LRRTM4: variants seen among roughly 807,000 people sequenced by gnomAD.
LRRTM4 encodes leucine rich repeat transmembrane neuronal 4, also known as leucine-rich repeat transmembrane neuronal protein 4.
In LRRTM4, 25 loss-of-function variants were observed where a neutral mutation model predicts 47.6. The observed-to-expected ratio is 0.53, with a 90% confidence interval of 0.38 to 0.73. The LOEUF is 0.73. Ranked by LOEUF, LRRTM4 falls within the 30% of genes least tolerant of loss-of-function variation. The pLI is 0.00. For missense variants in LRRTM4, 638 were observed against 713.4 expected (o/e 0.89, Z 1.20); for synonymous variants, 311 against 269.5 (o/e 1.15, Z -1.51).
chr2:76,857,224 AATAAAG>A (rs1297668378), intron 3 of LRRTM4, among the ~76,000 whole-genome samples: 4 of 150,888 alleles, frequency 2.7e-5, no homozygotes, highest in Non-Finnish European at 5.9e-5. Context: ...CTTAATGGAT[AATAAAG>A]ATATTTTCTC....
intron 3 of LRRTM4, among the ~76,000 whole-genome samples, chr2:76,798,713 TAAAG>T (rs879304032): frequency 8.8e-4 from 131 of 149,378 alleles, no homozygotes; most frequent in Non-Finnish European, 1.5e-3. Context: ...GCAAGACTAA[TAAAG>T]AAGAAAAGAG....
chr2:77,309,416 G>A (rs535611311), intron 3 of LRRTM4, among the ~76,000 whole-genome samples: 3 of 152,124 alleles, frequency 2.0e-5, no homozygotes, highest in Non-Finnish European at 4.4e-5. Flanking sequence ...TGCAGATATG[G>A]CCATAATAAA....
At chr2:77,164,812 C>T (rs2103818234) in intron 3 of LRRTM4, among the ~76,000 whole-genome samples, 1 of 152,254 alleles carries the variant, frequency 6.6e-6, no homozygotes, top group South Asian at 2.1e-4. Context: ...ACATTTAAAG[C>T]AGTGTGTAGA....
intron 3 of LRRTM4, among the ~76,000 whole-genome samples, chr2:77,430,677 C>T (rs1343670622): frequency 2.7e-5 from 4 of 146,378 alleles, no homozygotes; most frequent in South Asian, 4.2e-4. Context: ...GCTGAGACCA[C>T]GCCATTGCAC....
At chr2:76,783,593 T>G (rs996660018) in intron 3 of LRRTM4, among the ~76,000 whole-genome samples, 3 of 152,144 alleles carry the variant, frequency 2.0e-5, no homozygotes, top group East Asian at 1.9e-4. Context: ...AATTTTGAAT[T>G]AACATGCTAA....
At chr2:76,987,836 C>T (rs1676856608) in intron 3 of LRRTM4, among the ~76,000 whole-genome samples, 1 of 151,712 alleles carries the variant, frequency 6.6e-6, no homozygotes, top group Admixed American at 6.6e-5. Context: ...CAGGACATTT[C>T]ACTACTCCAC....
intron 3 of LRRTM4, among the ~76,000 whole-genome samples, chr2:77,296,011 C>A (rs966442723): frequency 2.0e-5 from 3 of 152,108 alleles, no homozygotes; most frequent in African/African-American, 7.2e-5. Context: ...TATTGTTTTA[C>A]AAATTCTACA....
chr2:77,309,632 G>T (rs1371438683), intron 3 of LRRTM4, among the ~76,000 whole-genome samples: 1 of 152,088 alleles, frequency 6.6e-6, no homozygotes, highest in East Asian at 1.9e-4. Context: ...TGAGCAACAT[G>T]ACTGCAGTAG....
At chr2:76,927,868 T>C (rs968963416) in intron 3 of LRRTM4, among the ~76,000 whole-genome samples, 1 of 152,160 alleles carries the variant, frequency 6.6e-6, no homozygotes, top group Non-Finnish European at 1.5e-5. Context: ...AAAAATGATG[T>C]CAAGGGTTAA....
intron 3 of LRRTM4, among the ~76,000 whole-genome samples, chr2:76,792,582 A>G (rs1372286582): frequency 2.0e-5 from 3 of 152,168 alleles, no homozygotes; most frequent in Non-Finnish European, 4.4e-5. Flanking sequence ...TCTAGTAACA[A>G]TCAGAGAATA....
chr2:77,328,562 A>T (rs1421084446), intron 3 of LRRTM4, among the ~76,000 whole-genome samples: 1 of 152,100 alleles, frequency 6.6e-6, no homozygotes, highest in Non-Finnish European at 1.5e-5. Context: ...TGTTCAGGCC[A>T]CAGTTTGAGG....
At chr2:77,425,257 G>A (rs1323330078) in intron 3 of LRRTM4, among the ~76,000 whole-genome samples, 1 of 152,058 alleles carries the variant, frequency 6.6e-6, no homozygotes, top group Non-Finnish European at 1.5e-5. Context: ...TCTGTATTCA[G>A]TCTCTCCATT....
At chr2:76,954,203 G>T (rs1331786497) in intron 3 of LRRTM4, among the ~76,000 whole-genome samples, 1 of 151,550 alleles carries the variant, frequency 6.6e-6, no homozygotes, top group Non-Finnish European at 1.5e-5. Context: ...CCTAATCAAA[G>T]AAACAAAATA....
chr2:77,468,319 T>C (rs1677057591), intron 3 of LRRTM4, among the ~76,000 whole-genome samples: 1 of 152,194 alleles, frequency 6.6e-6, no homozygotes, highest in Non-Finnish European at 1.5e-5. Flanking sequence ...AGTACTATGT[T>C]ATGTTTGGGG....
At chr2:77,023,601 A>G (rs1219945056) in intron 3 of LRRTM4, among the ~76,000 whole-genome samples, 1 of 152,180 alleles carries the variant, frequency 6.6e-6, no homozygotes, top group African/African-American at 2.4e-5. Flanking sequence ...CATCTCTCTC[A>G]AAGTTCCACA....
At chr2:77,292,071 T>C (rs1344447396) in intron 3 of LRRTM4, among the ~76,000 whole-genome samples, 2 of 151,968 alleles carry the variant, frequency 1.3e-5, no homozygotes, top group African/African-American at 2.4e-5. Flanking sequence ...AAGACATTTA[T>C]GCAGCCAAAA....
intron 3 of LRRTM4, among the ~76,000 whole-genome samples, chr2:76,932,104 G>T (rs574184289): frequency 6.6e-6 from 1 of 152,042 alleles, no homozygotes; most frequent in Non-Finnish European, 1.5e-5. Context: ...TGTTCATCCT[G>T]TTCCTCCTTG....
intron 3 of LRRTM4, among the ~76,000 whole-genome samples, chr2:77,385,526 G>C (rs1383788954): frequency 1.3e-5 from 2 of 151,920 alleles, no homozygotes; most frequent in Non-Finnish European, 2.9e-5. Context: ...GCACTGATGA[G>C]GTTTAAAATA....
intron 3 of LRRTM4, among the ~76,000 whole-genome samples, chr2:77,302,512 T>G (rs1191549816): frequency 1.3e-5 from 2 of 152,150 alleles, no homozygotes; most frequent in Non-Finnish European, 1.5e-5. Context: ...GGGTTGCAAG[T>G]AAAAATATGC....
Sources: allele counts gnomAD v4.1 joint callset (sites outside exome capture counted in the v4.1 genomes callset), GRCh38; gene constraint gnomAD v4.1.1; transcripts MANE v1.5; gene names NCBI Gene and HGNC (gene_info 2026-07-23, HGNC 2026-07-21).